Variants in CHCHD3 observed in about 807,000 individuals in gnomAD.
The protein encoded by CHCHD3 is coiled-coil-helix-coiled-coil-helix domain containing 3.
CHCHD3 carries 20 observed loss-of-function variants against 38.2 expected under a neutral mutation model. The observed-to-expected ratio is 0.52, with a 90% CI of 0.37 to 0.76. The LOEUF (loss-of-function observed/expected upper bound fraction) is 0.76. CHCHD3 is among the 30% of genes least tolerant of loss of function. The pLI is 0.00. For synonymous variants in CHCHD3, 82 were observed against 100.0 expected (o/e 0.82, Z 1.07); for missense variants, 245 against 279.2 (o/e 0.88, Z 0.87).
At chr7:132,996,459 C>T (rs930588526) in intron 3 of CHCHD3, among the ~76,000 whole-genome samples, 33 of 152,098 alleles carry the variant, frequency 2.2e-4, no homozygotes, top group African/African-American at 5.6e-4. Context: ...AATTACATTC[C>T]GTGAAGAAGC....
At chr7:132,876,790 C>T (rs1388990255) in intron 5 of CHCHD3, among the ~76,000 whole-genome samples, 1 of 152,138 alleles carries the variant, frequency 6.6e-6, no homozygotes, top group African/African-American at 2.4e-5. Flanking sequence ...CAAGTATTTC[C>T]TACCAACAGG....
At chr7:132,934,640 C>T (rs1304517355) in intron 4 of CHCHD3, among the ~76,000 whole-genome samples, 1 of 152,268 alleles carries the variant, frequency 6.6e-6, no homozygotes, top group East Asian at 1.9e-4. Context: ...ACAGGGCCAT[C>T]ATGGAGTAGA....
chr7:132,862,725 G>A (rs1562888824), intron 5 of CHCHD3, among the ~76,000 whole-genome samples: 2 of 152,174 alleles, frequency 1.3e-5, no homozygotes, highest in African/African-American at 2.4e-5. Flanking sequence ...AAACTCTGCT[G>A]CTGCTTTACC....
At chr7:132,898,648 G>C (rs566723251) in intron 4 of CHCHD3, among the ~76,000 whole-genome samples, 2 of 152,378 alleles carry the variant, frequency 1.3e-5, no homozygotes, top group South Asian at 2.1e-4. Context: ...GGGCGCTGTG[G>C]AGCAGGGGGT....
chr7:132,799,421 T>C (rs1039356869), intron 6 of CHCHD3, among the ~76,000 whole-genome samples: 8 of 152,248 alleles, frequency 5.3e-5, no homozygotes, highest in African/African-American at 9.6e-5. Context: ...TTGACTTTTA[T>C]TGACTGCTTT....
At chr7:132,907,012 C>G (rs944705434) in intron 4 of CHCHD3, among the ~76,000 whole-genome samples, 3 of 152,030 alleles carry the variant, frequency 2.0e-5, no homozygotes, top group African/African-American at 7.2e-5. Flanking sequence ...TCTCTTCCCA[C>G]CAGAGGAAAT....
intron 3 of CHCHD3, among the ~76,000 whole-genome samples, chr7:133,022,750 C>G (rs10085426): frequency 0.01 from 1,571 of 151,818 alleles, 30 homozygotes; most frequent in African/African-American, 0.036. Flanking sequence ...CCCATTCCAC[C>G]TGAGATATGA....
chr7:133,073,033 C>T (rs1179785402), intron 1 of CHCHD3, among the ~76,000 whole-genome samples: 1 of 152,118 alleles, frequency 6.6e-6, no homozygotes, highest in Non-Finnish European at 1.5e-5. Context: ...CTCAGTGCAA[C>T]AGTGAACATT....
chr7:132,790,773 G>A (rs562580947), intron 7 of CHCHD3, among the ~76,000 whole-genome samples: 45 of 152,292 alleles, frequency 3.0e-4, no homozygotes, highest in Admixed American at 4.6e-4. Context: ...ATGTGGGTCG[G>A]GGAGAGAAGC....
At chr7:132,999,536 G>A (rs1812512078) in intron 3 of CHCHD3, among the ~76,000 whole-genome samples, 1 of 152,048 alleles carries the variant, frequency 6.6e-6, no homozygotes. Context: ...GCCTTATTCT[G>A]TTTCTATAAA....
intron 4 of CHCHD3, among the ~76,000 whole-genome samples, chr7:132,915,161 C>CA (rs1477304866): frequency 4.7e-4 from 71 of 151,060 alleles, no homozygotes; most frequent in African/African-American, 1.7e-3. Context: ...ACCAAATCAA[C>CA]AAAAAAACAC....
intron 6 of CHCHD3, among the ~76,000 whole-genome samples, chr7:132,823,304 T>G (rs1050406660): frequency 6.6e-6 from 1 of 152,216 alleles, no homozygotes; most frequent in African/African-American, 2.4e-5. Flanking sequence ...CCTGAAACCA[T>G]GAATAGTACT....
rs186281703 is a variant in CHCHD3 at position 133,011,983 on chromosome 7, G to A, written c.251+12563C>T. Among the ~76,000 whole-genome samples, 494 of 152,240 alleles carry A rather than the reference G, an allele frequency of 3.2e-3. 3 individuals are homozygous for A. The South Asian group carries it at 0.038, about 12-fold the overall frequency. Reference sequence around the variant, plus strand: ...TCTGCCACCCAGGCTGGAGTGCAATGGCGCAATCTCGGCTCACTGCAACCT... The same window carrying A: ...TCTGCCACCCAGGCTGGAGTGCAATAGCGCAATCTCGGCTCACTGCAACCT... On this transcript the variant is annotated intron_variant, in intron 3 of 7. Transcript: ENST00000262570.
In CHCHD3 at chr7:133,057,481, G is replaced by A. The variant is rs567753812; in HGVS notation, c.169+12661C>T. Among the ~76,000 whole-genome samples the A allele has an allele frequency of 6.2e-4, 95 of 152,006 alleles. 2 individuals carry two copies. Among genetic ancestry groups the A allele is most frequent in the Non-Finnish European group, 1.0e-3 (71 of 68,026 alleles). On this transcript the variant is annotated intron_variant, in intron 2 of 7. Transcript: ENST00000262570. Reference sequence around the variant, plus strand: ...GAGGCTGAGATAGGAGAATCTCCTTGAGCCCAGCAGTTCAAGGCTGCAGTG... The same window carrying A: ...GAGGCTGAGATAGGAGAATCTCCTTAAGCCCAGCAGTTCAAGGCTGCAGTG...
chr7:132,921,184 G>A (rs1410873327), intron 4 of CHCHD3, among the ~76,000 whole-genome samples: 1 of 152,098 alleles, frequency 6.6e-6, no homozygotes, highest in Non-Finnish European at 1.5e-5. Flanking sequence ...TTATATTTGA[G>A]TAAATTATGG....
At chr7:132,950,204 A>G (rs1026175790) in intron 4 of CHCHD3, among the ~76,000 whole-genome samples, 3 of 152,188 alleles carry the variant, frequency 2.0e-5, no homozygotes, top group African/African-American at 7.2e-5. Context: ...AAAACTAACT[A>G]TTGGGTACTA....
At chr7:132,825,532 C>T (rs1260725230) in intron 6 of CHCHD3, among the ~76,000 whole-genome samples, 1 of 152,208 alleles carries the variant, frequency 6.6e-6, no homozygotes, top group Non-Finnish European at 1.5e-5. Flanking sequence ...ACCAGCAATG[C>T]TAATTTTCTT....
At chr7:132,817,877 G>C (rs562550110) in intron 6 of CHCHD3, among the ~76,000 whole-genome samples, 13 of 147,650 alleles carry the variant, frequency 8.8e-5, no homozygotes, top group African/African-American at 3.2e-4. Context: ...GAGTGACAGA[G>C]TGAGACCCTG....
intron 4 of CHCHD3, among the ~76,000 whole-genome samples, chr7:132,919,140 G>T: frequency 1.1e-5 from 1 of 93,464 alleles, no homozygotes; most frequent in African/African-American, 4.2e-5. Context: ...ACGGAGTCTT[G>T]CTCTGTCGCC....
Sources: gnomAD v4.1 joint callset for allele counts (sites outside exome capture counted in the v4.1 genomes callset) on GRCh38, gnomAD v4.1.1 for gene constraint, MANE v1.5 for transcripts, NCBI Gene and HGNC (gene_info 2026-07-23, HGNC 2026-07-21) for gene names.